Variants in ZDHHC14 observed in about 807,000 individuals in gnomAD.
ZDHHC14 encodes the protein palmitoyltransferase ZDHHC14.
In ZDHHC14, 16 loss-of-function variants were observed where a neutral mutation model predicts 47.7. The observed-to-expected ratio is 0.34, with a 90% CI of 0.23 to 0.51. ZDHHC14 has a LOEUF of 0.51. Ranked by LOEUF, ZDHHC14 falls within the 20% of genes least tolerant of loss-of-function variation. The probability of loss-of-function intolerance (pLI) is 0.97; values close to 1 mark genes in which losing one functional copy is unlikely to be tolerated. For synonymous variants in ZDHHC14, 293 were observed against 278.9 expected, an observed-to-expected ratio of 1.05 and a Z score of -0.50; for missense variants, 515 against 662.5, an observed-to-expected ratio of 0.78 and a Z score of 2.44.
At chr6:157,597,587 T>A (rs1015730315) in intron 3 of ZDHHC14, among the ~76,000 whole-genome samples, 3 of 152,238 alleles carry the variant, frequency 2.0e-5, no homozygotes, top group Admixed American at 2.0e-4. Flanking sequence ...TGCCTAACTC[T>A]GGCCAGACCC....
chr6:157,463,493 A>G lies in ZDHHC14; in HGVS notation c.246-79092A>G, dbSNP rs1022201063. ...TATCCATAGCAGTGCTGTGCTCTCT[A>G]TCACCCCCAACTCTTCACCAGAGGG... On this transcript the variant is annotated intron_variant, in intron 1 of 8. Coordinates refer to ENST00000359775, the MANE Select transcript of ZDHHC14 (RefSeq NM_024630.3). This position sits in a 1 kb window ranked among gnomAD's most constrained non-coding sequence, Gnocchi z 4.4. 9.2e-5 allele frequency among the ~76,000 whole-genome samples: 14 copies of G among 152,096 alleles called. 1 individual carries two copies. Among genetic ancestry groups the G allele is most frequent in the Admixed American group, 7.2e-4 (11 of 15,274 alleles).
At chr6:157,669,879 G>A (rs1019833695) in intron 8 of ZDHHC14, among the ~76,000 whole-genome samples, 7 of 152,232 alleles carry the variant, frequency 4.6e-5, no homozygotes, top group South Asian at 4.1e-4. Flanking sequence ...TGGGAGTGCC[G>A]CTGCGGCTCA....
At chr6:157,539,457 G>C (rs1392354076) in intron 1 of ZDHHC14, among the ~76,000 whole-genome samples, 1 of 152,084 alleles carries the variant, frequency 6.6e-6, no homozygotes, top group African/African-American at 2.4e-5. Context: ...TGTTCCAGCT[G>C]TCCCCCGGAG....
At chr6:157,538,876 G>C (rs977062221) in intron 1 of ZDHHC14, among the ~76,000 whole-genome samples, 3 of 152,164 alleles carry the variant, frequency 2.0e-5, no homozygotes, top group Admixed American at 1.3e-4. Flanking sequence ...AGTGAAAGCG[G>C]GTGCCTGCCT....
rs928124364 is a variant in ZDHHC14 at position 157,676,936 on chromosome 6, T to G, written c.*3814T>G. Reference sequence around the variant, plus strand: ...TATAAGGAATCTTCCCAGAAGGAGCTGCCCTTCATCCATCCACAAGAATAC... The same window carrying G: ...TATAAGGAATCTTCCCAGAAGGAGCGGCCCTTCATCCATCCACAAGAATAC... On this transcript the variant is annotated 3_prime_UTR_variant, in exon 9 of 9. Transcript: ENST00000359775. 24 of 152,250 alleles carry G rather than the reference T, an allele frequency of 1.6e-4. No individual in the cohort carries two copies. The highest frequency in any genetic ancestry group is 9.8e-4 in the Admixed American group (15 of 15,284). 9.4% of individuals were successfully genotyped at this position (152,250 alleles called of 1,614,324 possible).
At chr6:157,447,076 C>A (rs887040003) in intron 1 of ZDHHC14, among the ~76,000 whole-genome samples, 2 of 151,754 alleles carry the variant, frequency 1.3e-5, no homozygotes, top group African/African-American at 4.8e-5. Context: ...CTGAGATGCA[C>A]CACTGTACTT....
At chr6:157,644,837 T>C (rs1249664107) in intron 5 of ZDHHC14, among the ~76,000 whole-genome samples, 1 of 152,194 alleles carries the variant, frequency 6.6e-6, no homozygotes, top group African/African-American at 2.4e-5. Context: ...CTGAGAAATA[T>C]CTGTATCCTG....
At chr6:157,531,284 C>T (rs1232995078) in intron 1 of ZDHHC14, among the ~76,000 whole-genome samples, 1 of 30,320 alleles carries the variant, frequency 3.3e-5, no homozygotes, top group African/African-American at 4.1e-4. Context: ...CAGCCTACAA[C>T]GCCCCTGCCC....
chr6:157,603,244 G>A (rs574691024), intron 3 of ZDHHC14, among the ~76,000 whole-genome samples: 10 of 152,348 alleles, frequency 6.6e-5, no homozygotes, highest in African/African-American at 2.4e-4. Context: ...TGCACGTAGA[G>A]GGCAAAGAAA....
At chr6:157,476,297 G>A (rs1247072482) in intron 1 of ZDHHC14, among the ~76,000 whole-genome samples, 1 of 152,098 alleles carries the variant, frequency 6.6e-6, no homozygotes, top group Non-Finnish European at 1.5e-5. Context: ...ATGAGCAATT[G>A]GATAAACTAG....
At position 157,568,427 on chromosome 6, in the gene ZDHHC14, A is replaced by G. The variant is rs187498318; in HGVS notation, c.407-24561A>G. Among the ~76,000 whole-genome samples the G allele has an allele frequency of 2.1e-3, 316 of 150,886 alleles. 1 individual carries two copies. The highest frequency in any genetic ancestry group is 3.2e-3 in the Non-Finnish European group (217 of 67,842). On this transcript the variant is annotated intron_variant, in intron 2 of 8. Coordinates refer to ENST00000359775, the MANE Select transcript of ZDHHC14 (RefSeq NM_024630.3). ...CAATGGGATCACATTGTACATTACT[A>G]TTTTGAAGGCAGATTTTTTTTCCTC...
intron 1 of ZDHHC14, among the ~76,000 whole-genome samples, chr6:157,476,817 A>C (rs1043822019): frequency 3.3e-5 from 5 of 152,160 alleles, no homozygotes; most frequent in African/African-American, 1.2e-4. Context: ...TCATCGCAAT[A>C]GATGTAGAAG....
At position 157,664,920 on chromosome 6, in the gene ZDHHC14, T is replaced by C. The variant is rs953385243; in HGVS notation, c.1069-7804T>C. Among the ~76,000 whole-genome samples, 9 of 152,334 alleles carry C rather than the reference T, an allele frequency of 5.9e-5. No homozygotes were observed. The East Asian group carries it at 1.5e-3, about 26-fold the overall frequency. On this transcript the variant is annotated intron_variant, in intron 8 of 8. Transcript: ENST00000359775. ...CTGAACGGACCAGAACGGCATCCTC[T>C]TCTCCAGTGTCTTGCCCTGGAGATC...
At chr6:157,540,092 T>G (rs540311018) in intron 1 of ZDHHC14, among the ~76,000 whole-genome samples, 1 of 152,288 alleles carries the variant, frequency 6.6e-6, no homozygotes, top group East Asian at 1.9e-4. Flanking sequence ...GCAGTAGGCC[T>G]CCCCGCGTCA....
chr6:157,640,978 C>T (rs192514146), intron 5 of ZDHHC14, among the ~76,000 whole-genome samples: 143 of 152,250 alleles, frequency 9.4e-4, no homozygotes, highest in African/African-American at 2.3e-3. Context: ...TATGCTGATA[C>T]GGGGGTGGGA....
chr6:157,399,528 A>G (rs1777588972), intron 1 of ZDHHC14, among the ~76,000 whole-genome samples: 1 of 152,238 alleles, frequency 6.6e-6, no homozygotes, highest in African/African-American at 2.4e-5. Context: ...AAAGACACAA[A>G]AACAGTTGTT....
intron 1 of ZDHHC14, among the ~76,000 whole-genome samples, chr6:157,491,269 TCCTTTC>T (rs934392136): frequency 6.6e-6 from 1 of 152,222 alleles, no homozygotes; most frequent in African/African-American, 2.4e-5. Context: ...TCAACACCTA[TCCTTTC>T]CCTTTCCCTT....
intron 5 of ZDHHC14, among the ~76,000 whole-genome samples, chr6:157,633,929 A>G (rs901001547): frequency 1.3e-5 from 2 of 152,214 alleles, no homozygotes; most frequent in African/African-American, 4.8e-5. Flanking sequence ...TTGGGATTAC[A>G]GGCATCAGCC....
chr6:157,492,185 C>A (rs1779935497), intron 1 of ZDHHC14, among the ~76,000 whole-genome samples: 1 of 144,400 alleles, frequency 6.9e-6, no homozygotes, highest in Non-Finnish European at 1.5e-5. Context: ...CCTTGACCCT[C>A]AACATCCCCC....
Sources: gnomAD v4.1 joint callset for allele counts (sites outside exome capture counted in the v4.1 genomes callset) on GRCh38, gnomAD v4.1.1 for gene constraint, Gnocchi (gnomAD v3.1) non-coding constraint, MANE v1.5 for transcripts, NCBI Gene and HGNC (gene_info 2026-07-23, HGNC 2026-07-21) for gene names.